The following RSRC1 variants were observed in gnomAD, a reference collection of about 807,000 sequenced individuals.
RSRC1 encodes the protein arginine and serine rich coiled-coil 1, also known as serine/Arginine-related protein 53.
Under a neutral mutation model 49.1 loss-of-function variants are expected in RSRC1, and 39 were observed. The ratio of observed to expected loss-of-function variants is 0.79; its 90% confidence interval spans 0.61 to 1.04. The LOEUF is 1.04. Among genes scored for constraint, RSRC1 ranks in the 50% least tolerant of loss-of-function variants. The pLI is 0.00. For missense variants in RSRC1, 388 were observed against 402.4 expected, an observed-to-expected ratio of 0.96 and a Z score of 0.31; for synonymous variants, 143 against 130.8, an observed-to-expected ratio of 1.09 and a Z score of -0.63.
At chr3:158,494,357 A>G (rs1404677035) in intron 7 of RSRC1, among the ~76,000 whole-genome samples, 1 of 152,238 alleles carries the variant, frequency 6.6e-6, no homozygotes, top group African/African-American at 2.4e-5. Flanking sequence ...TATATAGGGC[A>G]CTTAACCATA....
intron 6 of RSRC1, among the ~76,000 whole-genome samples, chr3:158,409,850 C>T (rs535975107): frequency 1.1e-4 from 17 of 152,110 alleles, no homozygotes; most frequent in East Asian, 9.7e-4. Flanking sequence ...ATCTGTAAAT[C>T]GGATCCTATT....
chr3:158,171,855 G>A (rs536673240), intron 3 of RSRC1, among the ~76,000 whole-genome samples: 43 of 152,160 alleles, frequency 2.8e-4, no homozygotes, highest in African/African-American at 1.0e-3. Context: ...AGAGGCTGAG[G>A]TGGGAGGATG....
chr3:158,125,229 T>C (rs1467504266), intron 3 of RSRC1, among the ~76,000 whole-genome samples: 1 of 152,032 alleles, frequency 6.6e-6, no homozygotes, highest in Non-Finnish European at 1.5e-5. Flanking sequence ...ATTTTATTTA[T>C]TTTTTTCTCT....
At position 158,267,858 on chromosome 3, in the gene RSRC1, C is replaced by CTT. The variant is rs377128391; in HGVS notation, c.495-30180_495-30179insTT. Among the ~76,000 whole-genome samples, 107 of 91,180 alleles carry CTT rather than the reference C, an allele frequency of 1.2e-3. 4 individuals are homozygous for CTT. The highest frequency in any genetic ancestry group is 1.6e-3 in the Admixed American group (12 of 7,612). 59.8% of individuals were successfully genotyped at this position (91,180 alleles called of 152,430 possible). A position where few individuals can be genotyped will look rare whatever the true frequency, so the allele number is the denominator to read the frequency against. On this transcript the variant is annotated intron_variant, in intron 4 of 9. Coordinates refer to ENST00000611884, the MANE Select transcript of RSRC1 (RefSeq NM_001271838.2). Reference sequence around the variant, plus strand: ...TTTCTTATGCTGTTTGTTTCCATATCTATTTTTTTTTTTTTTTTTTGGCTT... The same window carrying CTT: ...TTTCTTATGCTGTTTGTTTCCATATCTTTATTTTTTTTTTTTTTTTTTGGCTT...
At chr3:158,447,791 A>G (rs946029907) in intron 6 of RSRC1, among the ~76,000 whole-genome samples, 7 of 151,944 alleles carry the variant, frequency 4.6e-5, no homozygotes, top group African/African-American at 1.7e-4. Flanking sequence ...ACCCTTTTTA[A>G]TGCAATAATA....
chr3:158,468,677 T>C (rs1020048875), intron 7 of RSRC1, among the ~76,000 whole-genome samples: 6 of 152,188 alleles, frequency 3.9e-5, no homozygotes, highest in Non-Finnish European at 1.5e-5. Context: ...GGTAATATTA[T>C]TATATAAGTG....
chr3:158,537,079 C>T lies in RSRC1; in HGVS notation c.653-13C>T, dbSNP rs112782585. 29 of 1,566,220 alleles carry T rather than the reference C, an allele frequency of 1.9e-5. No homozygotes were observed. In the African/African-American group the frequency reaches 2.2e-4, roughly 12 times the overall value. ...TACACCAAAATACGCTGACATTATA[C>T]CCTCTTTTTCAGACCAAGCCACCCT... is the stretch of plus-strand genomic sequence containing the variant. On this transcript the variant is annotated splice_polypyrimidine_tract_variant and intron_variant, in intron 7 of 9. Coordinates refer to ENST00000611884, the MANE Select transcript of RSRC1 (RefSeq NM_001271838.2).
chr3:158,459,119 A>G (rs1196137857), intron 6 of RSRC1, among the ~76,000 whole-genome samples: 3 of 152,178 alleles, frequency 2.0e-5, no homozygotes, highest in African/African-American at 7.2e-5. Context: ...ATTTATGCAC[A>G]TGTACACACA....
rs573943841 is a variant in RSRC1 at position 158,529,990 on chromosome 3, T to C, written c.653-7102T>C. Among the ~76,000 whole-genome samples the C allele has an allele frequency of 3.3e-5, 5 of 151,986 alleles. No homozygotes were observed. The South Asian group carries it at 1.0e-3, about 32-fold the overall frequency. Reference sequence around the variant, plus strand: ...CAGCTGGGCCTTTTGTGCCTTCTCATAGATGTGCACAGGCCTGTCCTCCAC... The same window carrying C: ...CAGCTGGGCCTTTTGTGCCTTCTCACAGATGTGCACAGGCCTGTCCTCCAC... On this transcript the variant is annotated intron_variant, in intron 7 of 9. Transcript: ENST00000611884.
intron 5 of RSRC1, among the ~76,000 whole-genome samples, chr3:158,309,896 T>A (rs752710541): frequency 6.6e-6 from 1 of 151,728 alleles, no homozygotes. Context: ...TTGGTAAATA[T>A]GTTAAAATAT....
At chr3:158,209,681 G>T (rs1450732229) in intron 4 of RSRC1, among the ~76,000 whole-genome samples, 2 of 151,882 alleles carry the variant, frequency 1.3e-5, no homozygotes, top group Non-Finnish European at 2.9e-5. Flanking sequence ...CAAGACTTTT[G>T]GGATATTTTA....
intron 3 of RSRC1, among the ~76,000 whole-genome samples, chr3:158,201,846 A>C (rs952032197): frequency 1.3e-5 from 2 of 152,192 alleles, no homozygotes; most frequent in Non-Finnish European, 2.9e-5. Context: ...TCTTTTAAGA[A>C]TAGAACACAT....
chr3:158,232,540 A>C (rs1288579583), intron 4 of RSRC1, among the ~76,000 whole-genome samples: 1 of 152,182 alleles, frequency 6.6e-6, no homozygotes, highest in Non-Finnish European at 1.5e-5. Context: ...GCTTTCTATA[A>C]ACAAGTATAT....
intron 7 of RSRC1, among the ~76,000 whole-genome samples, chr3:158,472,030 T>C (rs1230297321): frequency 2.0e-5 from 3 of 152,144 alleles, no homozygotes; most frequent in African/African-American, 7.2e-5. Context: ...CACTAAAATA[T>C]AGATCACTAA....
chr3:158,223,472 C>G (rs760344272), intron 4 of RSRC1, among the ~76,000 whole-genome samples: 1 of 151,614 alleles, frequency 6.6e-6, no homozygotes, highest in Non-Finnish European at 1.5e-5. Context: ...AATTCAAACT[C>G]TAATAATTAT....
chr3:158,129,367 T>C (rs1715853760), intron 3 of RSRC1, among the ~76,000 whole-genome samples: 1 of 145,438 alleles, frequency 6.9e-6, no homozygotes, highest in African/African-American at 2.5e-5. Flanking sequence ...CTCATCTCAC[T>C]GCAACCTCTG....
intron 7 of RSRC1, among the ~76,000 whole-genome samples, chr3:158,474,983 C>T (rs1301299884): frequency 1.3e-5 from 2 of 151,738 alleles, no homozygotes; most frequent in Non-Finnish European, 2.9e-5. Context: ...GGTATGATCT[C>T]GGCTCATTGC....
chr3:158,293,881 C>T (rs970367709), intron 4 of RSRC1, among the ~76,000 whole-genome samples: 10 of 151,988 alleles, frequency 6.6e-5, no homozygotes, highest in Admixed American at 3.3e-4. Flanking sequence ...ACTTTAGTGT[C>T]GGGAAATCTA....
chr3:158,302,485 A>G (rs1727608898), intron 5 of RSRC1, among the ~76,000 whole-genome samples: 1 of 150,068 alleles, frequency 6.7e-6, no homozygotes, highest in Admixed American at 6.7e-5. Context: ...TCTGATAATG[A>G]CCCCGGGGTT....
Sources: gnomAD v4.1 joint callset for allele counts (sites outside exome capture counted in the v4.1 genomes callset) on GRCh38, gnomAD v4.1.1 for gene constraint, MANE v1.5 for transcripts, NCBI Gene and HGNC (gene_info 2026-07-23, HGNC 2026-07-21) for gene names.